POLR2D: variants seen among roughly 807,000 people sequenced by gnomAD.
POLR2D encodes the protein RNA polymerase II subunit D, also known as DNA-directed RNA polymerase II subunit RPB4.
In POLR2D, 10 loss-of-function variants were observed where a neutral mutation model predicts 17.6. The ratio of observed to expected loss-of-function variants is 0.57; its 90% CI spans 0.35 to 0.96. The LOEUF (loss-of-function observed/expected upper bound fraction) is 0.96, where lower values mean the gene tolerates loss of function less well. POLR2D is among the 40% of genes least tolerant of loss of function. The pLI, the probability that POLR2D is intolerant of heterozygous loss-of-function variation, is 0.02. For synonymous variants in POLR2D, 52 were observed against 60.2 expected (o/e 0.86, Z 0.63); for missense variants, 126 against 176.4 (o/e 0.71, Z 1.62).
intron 1 of POLR2D, among the ~76,000 whole-genome samples, chr2:127,857,465 C>T (rs1420184815): frequency 6.6e-6 from 1 of 152,216 alleles, no homozygotes; most frequent in Non-Finnish European, 1.5e-5. Context: ...ATAATTTGTT[C>T]CAGCCAACAG....
intron 3 of POLR2D, among the ~76,000 whole-genome samples, chr2:127,849,924 C>T (rs1029021137): frequency 1.3e-5 from 2 of 152,156 alleles, no homozygotes; most frequent in Non-Finnish European, 1.5e-5. Flanking sequence ...AAATATACGT[C>T]TCCTTCTAAA....
intron 1 of POLR2D, chr2:127,856,884 A>T (rs1482020902): frequency 6.6e-6 from 1 of 151,948 alleles, no homozygotes; most frequent in Non-Finnish European, 1.5e-5. Flanking sequence ...GAAAATACAA[A>T]AATTAGCCGG....
At position 127,853,100 on chromosome 2, in the gene POLR2D, C is replaced by A; in HGVS notation, c.79G>T (p.Glu27Ter). 6.2e-7 allele frequency: 1 copy of A among 1,608,056 alleles called. No individual in the cohort carries two copies. The highest frequency in any genetic ancestry group is 1.7e-4 in the Middle Eastern group (1 of 6,020). Reference protein sequence around the residue: ...ASQLIFPKEFETAETLLNSEV... With the variant: ...ASQLIFPKEF ...GAATTTAGAAGTGTCTCAGCTGTTT[C>A]AAACTCTATTTGTAAGAAGCATAAA... The change falls in exon 2 of 4, where the codon GAA (glutamate) becomes TAA (stop). Residue 27 changes from glutamate (E) to a stop codon, truncating the protein, a stop_gained. Transcript: ENST00000272645. LOFTEE classifies it high-confidence loss of function.
chr2:127,850,625 T>C lies in POLR2D; in HGVS notation c.315A>G (p.Pro105=), dbSNP rs1200354166. 1 of 1,592,214 alleles carries C rather than the reference T, an allele frequency of 6.3e-7. No individual in the cohort carries two copies. The highest frequency in any genetic ancestry group is 8.6e-7 in the Non-Finnish European group (1 of 1,166,458). ...FELACLANLC[P]ETAEESKALI... ...GAGCCTTGGACTCCTCAGCAGTCTC[T>C]GGGCAAAGGTTGGCCAAACAGGCCA... The change falls in exon 3 of 4, where the codon CCA becomes CCG. Residue 105 remains proline, a synonymous_variant. Transcript: ENST00000272645.
intron 3 of POLR2D, among the ~76,000 whole-genome samples, chr2:127,849,333 G>A (rs114385281): frequency 0.013 from 1,971 of 152,142 alleles, 41 homozygotes; most frequent in African/African-American, 0.044. Context: ...AAACCACTGC[G>A]CCCAGCCCAG....
rs1293322772 is a variant in POLR2D at position 127,852,639 on chromosome 2, C to T, written c.254+286G>A. ...CTACAGATTCAAGCGATTCTCCCGC[C>T]TCGGCCTCCTGAGCAGCTAGGATTA... is the stretch of plus-strand genomic sequence containing the variant. On this transcript the variant is annotated intron_variant, in intron 2 of 3. Coordinates refer to ENST00000272645, the MANE Select transcript of POLR2D (RefSeq NM_004805.4). This position sits in a 1 kb window ranked among gnomAD's most constrained non-coding sequence, Gnocchi z 4.0. 6.6e-6 allele frequency among the ~76,000 whole-genome samples: 1 copy of T among 152,212 alleles called. No individual in the cohort carries two copies. Among genetic ancestry groups the T allele is most frequent in the East Asian group, 1.9e-4 (1 of 5,206 alleles).
At chr2:127,854,811 A>G (rs1332275985) in intron 1 of POLR2D, among the ~76,000 whole-genome samples, 2 of 152,146 alleles carry the variant, frequency 1.3e-5, no homozygotes, top group African/African-American at 4.8e-5. Flanking sequence ...TCTAGCCTAT[A>G]ACAGGGGATT....
chr2:127,857,432 T>C (rs1306342724), intron 1 of POLR2D, among the ~76,000 whole-genome samples: 1 of 152,220 alleles, frequency 6.6e-6, no homozygotes, highest in Admixed American at 6.5e-5. Flanking sequence ...AGTGCGTGCG[T>C]GAGAAAACTC....
In POLR2D at chr2:127,846,611, A is replaced by G. The variant is rs1438490500; in HGVS notation, c.*1496T>C. On this transcript the variant is annotated 3_prime_UTR_variant, in exon 4 of 4. Coordinates refer to ENST00000272645, the MANE Select transcript of POLR2D (RefSeq NM_004805.4). ...GATCTCTCATAATTGGAGACTTCAA[A>G]GTGTTCAGAACTTCAAGCCTGGCCT... The G allele has an allele frequency of 6.6e-6, 1 of 152,202 alleles. No individual in the cohort carries two copies. The allele number at this position is 152,202 out of a possible 1,614,324, so 9.4% of individuals were successfully genotyped here.
chr2:127,854,667 G>C (rs904584827), intron 1 of POLR2D, among the ~76,000 whole-genome samples: 1 of 152,090 alleles, frequency 6.6e-6, no homozygotes, highest in Non-Finnish European at 1.5e-5. Flanking sequence ...AAATAGAATA[G>C]GCTGCCAATA....
chr2:127,855,355 T>C (rs1002196349), intron 1 of POLR2D, among the ~76,000 whole-genome samples: 1 of 131,170 alleles, frequency 7.6e-6, no homozygotes, highest in South Asian at 2.3e-4. Context: ...ATTGTGCCAC[T>C]GCACTCCAGC....
chr2:127,850,761 G>A, intron 2 of POLR2D, 76 bp from the exon 3 acceptor site: 1 of 737,504 alleles, frequency 1.4e-6, no homozygotes, highest in South Asian at 1.6e-5. Context: ...TAATCAACAG[G>A]AAAAAAGGGA....
Position 127,844,603 on chromosome 2 carries a change from A to G in POLR2D, c.*3504T>C, listed in dbSNP as rs1336952371. On this transcript the variant is annotated 3_prime_UTR_variant, in exon 4 of 4. Transcript: ENST00000272645. ...GAATAGCTGACCAGGCTTTCAACCT[A>G]CAACAGCATGAGGTTGCTTTACCAA... 1 of 152,234 alleles carries G rather than the reference A, an allele frequency of 6.6e-6. No homozygotes were observed. Among genetic ancestry groups the G allele is most frequent in the Non-Finnish European group, 1.5e-5 (1 of 68,044 alleles). The allele number at this position is 152,234 out of a possible 1,614,324, so 9.4% of individuals were successfully genotyped here. A position where few individuals can be genotyped will look rare whatever the true frequency, so the allele number is the denominator to read the frequency against.
chr2:127,848,981 C>T (rs1008002434), intron 3 of POLR2D, among the ~76,000 whole-genome samples: 2 of 150,844 alleles, frequency 1.3e-5, no homozygotes, highest in African/African-American at 4.9e-5. Context: ...CATTTACTGT[C>T]TTCATGTTTT....
intron 1 of POLR2D, among the ~76,000 whole-genome samples, chr2:127,855,578 G>A (rs1690313952): frequency 6.6e-6 from 1 of 152,158 alleles, no homozygotes; most frequent in Non-Finnish European, 1.5e-5. Context: ...AACCAAGGAA[G>A]GTCGAGGCAG....
rs1690156329 is a variant in POLR2D, at chr2:127,846,344, C to G, written c.*1763G>C. On this transcript the variant is annotated 3_prime_UTR_variant, in exon 4 of 4. Coordinates refer to ENST00000272645, the MANE Select transcript of POLR2D (RefSeq NM_004805.4). Reference sequence around the variant, plus strand: ...CCTGATTTTAAAAGCCAACACTGTTCTTTCTCCTTTTTCCTTGGATCACAA... The same window carrying G: ...CCTGATTTTAAAAGCCAACACTGTTGTTTCTCCTTTTTCCTTGGATCACAA... 1 of 152,202 alleles carries G rather than the reference C, an allele frequency of 6.6e-6. No homozygotes were observed. The highest frequency in any genetic ancestry group is 2.1e-4 in the South Asian group (1 of 4,828). The allele number at this position is 152,202 out of a possible 1,614,324, so 9.4% of individuals were successfully genotyped here.
In POLR2D at chr2:127,845,702, A is replaced by G. The variant is rs1386170748; in HGVS notation, c.*2405T>C. ...ATTTCATTTATTTTCCAAGTCTGAT[A>G]CTATCAGTTGGTAGGCTAACAAATT... On this transcript the variant is annotated 3_prime_UTR_variant, in exon 4 of 4. Coordinates refer to ENST00000272645, the MANE Select transcript of POLR2D (RefSeq NM_004805.4). 1 of 152,118 alleles carries G rather than the reference A, an allele frequency of 6.6e-6. No homozygotes were observed. The highest frequency in any genetic ancestry group is 1.9e-4 in the East Asian group (1 of 5,194). 9.4% of individuals were successfully genotyped at this position (152,118 alleles called of 1,614,324 possible). A position where few individuals can be genotyped will look rare whatever the true frequency, so the allele number is the denominator to read the frequency against.
chr2:127,852,863 C>G lies in POLR2D; in HGVS notation c.254+62G>C. On this transcript the variant is annotated intron_variant, in intron 2 of 3. Coordinates refer to ENST00000272645, the MANE Select transcript of POLR2D (RefSeq NM_004805.4). The surrounding 1 kb of genome is among the most constrained non-coding windows in gnomAD (Gnocchi z 4.0). Reference sequence around the variant, plus strand: ...TGACACCTGGGAAAGGGGGAGGGGACAGCATTCTACATGCAGTTGTCCAAT... The same window carrying G: ...TGACACCTGGGAAAGGGGGAGGGGAGAGCATTCTACATGCAGTTGTCCAAT... The G allele has an allele frequency of 8.9e-7, 1 of 1,119,382 alleles. No individual in the cohort carries two copies. The allele number at this position is 1,119,382 out of a possible 1,614,324, so 69.3% of individuals were successfully genotyped here.
In POLR2D at chr2:127,850,636, TGGCCAAACA is replaced by T; in HGVS notation, c.295_303del (p.Cys99_Ala101del). ...TCCTCAGCAGTCTCTGGGCAAAGGT[TGGCCAAACA>T]GGCCAACTCAAACTTATGAAGCTTT... On this transcript the variant is annotated inframe_deletion, in exon 3 of 4. Coordinates refer to ENST00000272645, the MANE Select transcript of POLR2D (RefSeq NM_004805.4). 6.3e-7 allele frequency: 1 copy of T among 1,593,788 alleles called. No homozygotes were observed. Among genetic ancestry groups the T allele is most frequent in the Non-Finnish European group, 8.6e-7 (1 of 1,169,224 alleles).
Sources: gnomAD v4.1 joint callset for allele counts (sites outside exome capture counted in the v4.1 genomes callset) on GRCh38, gnomAD v4.1.1 for gene constraint, Gnocchi (gnomAD v3.1) non-coding constraint, MANE v1.5 for transcripts, NCBI Gene and HGNC (gene_info 2026-07-23, HGNC 2026-07-21) for gene names.